The following CTTNBP2 variants were observed in gnomAD, a reference collection of about 807,000 sequenced individuals.
The protein encoded by CTTNBP2 is cortactin-binding protein 2.
In CTTNBP2, 108 loss-of-function variants were observed where a neutral mutation model predicts 156.9. That is an observed-to-expected ratio of 0.69 (90% CI 0.59 to 0.81). The LOEUF is 0.81. Ranked by LOEUF, CTTNBP2 falls within the 30% of genes least tolerant of loss-of-function variation. The pLI is 0.00. For synonymous variants in CTTNBP2, 767 were observed against 751.8 expected (o/e 1.02, Z -0.33); for missense variants, 1,924 against 2,035.4 (o/e 0.95, Z 1.05).
chr7:117,846,440 T>G (rs1368941603), intron 2 of CTTNBP2, among the ~76,000 whole-genome samples: 1 of 152,120 alleles, frequency 6.6e-6, no homozygotes, highest in Non-Finnish European at 1.5e-5. Flanking sequence ...TATATTTCCA[T>G]TAAGAAAAGG....
chr7:117,828,735 T>C (rs1801439287), intron 2 of CTTNBP2, among the ~76,000 whole-genome samples: 1 of 152,206 alleles, frequency 6.6e-6, no homozygotes, highest in Non-Finnish European at 1.5e-5. Flanking sequence ...TCAATGAAAA[T>C]TCATCAAGAA....
chr7:117,834,265 G>C (rs1584513732), intron 2 of CTTNBP2, among the ~76,000 whole-genome samples: 1 of 152,036 alleles, frequency 6.6e-6, no homozygotes, highest in East Asian at 1.9e-4. Flanking sequence ...TTTTTGGTCA[G>C]GCTGGTCTCA....
At chr7:117,774,386 C>A (rs1194221209) in intron 8 of CTTNBP2, among the ~76,000 whole-genome samples, 1 of 152,074 alleles carries the variant, frequency 6.6e-6, no homozygotes, top group Non-Finnish European at 1.5e-5. Flanking sequence ...GGTCCCTGAA[C>A]CCCCGGGGTT....
At chr7:117,822,661 G>C (rs1158295035) in intron 2 of CTTNBP2, among the ~76,000 whole-genome samples, 1 of 152,088 alleles carries the variant, frequency 6.6e-6, no homozygotes, top group Non-Finnish European at 1.5e-5. Context: ...CAGATACTTG[G>C]AATTTTCCGA....
intron 2 of CTTNBP2, among the ~76,000 whole-genome samples, chr7:117,845,322 A>G (rs1802520528): frequency 6.6e-6 from 1 of 152,182 alleles, no homozygotes; most frequent in Non-Finnish European, 1.5e-5. Context: ...GGATATGTTC[A>G]CTCACAATAT....
intron 2 of CTTNBP2, among the ~76,000 whole-genome samples, chr7:117,827,348 G>C (rs183601688): frequency 4.2e-4 from 64 of 152,222 alleles, no homozygotes; most frequent in Non-Finnish European, 6.9e-4. Context: ...TTCCTGTTTT[G>C]GAAATTTTCA....
intron 5 of CTTNBP2, among the ~76,000 whole-genome samples, chr7:117,783,381 T>A (rs908921695): frequency 5.3e-5 from 8 of 152,210 alleles, no homozygotes; most frequent in Non-Finnish European, 1.5e-5. Context: ...AAATAAATTA[T>A]TACTTTATGA....
At chr7:117,737,992 C>T (rs1482508366) in intron 14 of CTTNBP2, among the ~76,000 whole-genome samples, 1 of 152,196 alleles carries the variant, frequency 6.6e-6, no homozygotes, top group Non-Finnish European at 1.5e-5. Flanking sequence ...ATAAAAGCGT[C>T]ATCATGGTGA....
intron 14 of CTTNBP2, among the ~76,000 whole-genome samples, chr7:117,743,981 C>CA (rs1306526905): frequency 2.6e-5 from 4 of 151,976 alleles, no homozygotes; most frequent in East Asian, 1.9e-4. Flanking sequence ...GTGGTATCCT[C>CA]AGTGCTTCCC....
chr7:117,812,786 C>G lies in CTTNBP2; in HGVS notation c.190-1797G>C, dbSNP rs114140656. ...TCAGTGTAGCAGTTCTTCTCCCACC[C>G]TTGGATTAACACTTGGATAATTCTA... On this transcript the variant is annotated intron_variant, in intron 2 of 22. Transcript: ENST00000160373. 1.2e-3 allele frequency among the ~76,000 whole-genome samples: 177 copies of G among 152,268 alleles called. 1 individual carries two copies. Among genetic ancestry groups the G allele is most frequent in the African/African-American group, 4.1e-3 (170 of 41,552 alleles).
At chr7:117,747,352 A>AAGAT (rs145187686) in intron 12 of CTTNBP2, among the ~76,000 whole-genome samples, 1,843 of 152,298 alleles carry the variant, frequency 0.012, 46 homozygotes, top group African/African-American at 0.042. Context: ...GACTTCTGTG[A>AAGAT]AGATAGTAAA....
At chr7:117,783,461 A>C (rs1257840396) in intron 5 of CTTNBP2, among the ~76,000 whole-genome samples, 1 of 152,236 alleles carries the variant, frequency 6.6e-6, no homozygotes, top group Non-Finnish European at 1.5e-5. Context: ...AATGAGGCTA[A>C]AGGACAGCCC....
At chr7:117,843,280 C>T (rs1802383634) in intron 2 of CTTNBP2, among the ~76,000 whole-genome samples, 1 of 152,134 alleles carries the variant, frequency 6.6e-6, no homozygotes, top group South Asian at 2.1e-4. Flanking sequence ...GTCCTGAAAC[C>T]AATCCCCACT....
chr7:117,730,297 C>T (rs1020707520), intron 16 of CTTNBP2, among the ~76,000 whole-genome samples: 1 of 152,120 alleles, frequency 6.6e-6, no homozygotes. Flanking sequence ...GGCCTCCACC[C>T]CAAATTCCTA....
At chr7:117,771,028 G>A (rs1039816320) in intron 8 of CTTNBP2, among the ~76,000 whole-genome samples, 1 of 152,182 alleles carries the variant, frequency 6.6e-6, no homozygotes, top group Non-Finnish European at 1.5e-5. Flanking sequence ...TCCACTTGCC[G>A]GAACTCAAGT....
At chr7:117,834,620 G>C (rs1006518111) in intron 2 of CTTNBP2, among the ~76,000 whole-genome samples, 5 of 152,114 alleles carry the variant, frequency 3.3e-5, no homozygotes, top group Admixed American at 6.5e-5. Flanking sequence ...TAGAATTCTA[G>C]TAAATACATA....
intron 1 of CTTNBP2, among the ~76,000 whole-genome samples, chr7:117,872,660 T>G (rs1584600543): frequency 6.6e-6 from 1 of 152,114 alleles, no homozygotes; most frequent in East Asian, 1.9e-4. Context: ...CCACCTCTCC[T>G]GAGCATCGTC....
intron 3 of CTTNBP2, among the ~76,000 whole-genome samples, chr7:117,803,616 T>C (rs1230682705): frequency 6.6e-6 from 1 of 152,152 alleles, no homozygotes; most frequent in Non-Finnish European, 1.5e-5. Flanking sequence ...GACTTTTTTA[T>C]GTATTAAGGG....
chr7:117,745,990 G>A, intron 13 of CTTNBP2, 23 bp downstream of exon 13: 1 of 1,610,828 alleles, frequency 6.2e-7, no homozygotes, highest in Non-Finnish European at 8.5e-7. Context: ...AAGAAAAGCA[G>A]CTGATATACA....
Sources: allele counts gnomAD v4.1 joint callset (sites outside exome capture counted in the v4.1 genomes callset), GRCh38; gene constraint gnomAD v4.1.1; transcripts MANE v1.5; gene names NCBI Gene and HGNC (gene_info 2026-07-23, HGNC 2026-07-21).